The following ZFHX3 variants were observed in gnomAD, a reference collection of about 807,000 sequenced individuals.
ZFHX3 encodes zinc finger homeobox 3, also known as zinc finger homeobox protein 3.
In ZFHX3, 42 loss-of-function variants were observed where a neutral mutation model predicts 279.1. The observed-to-expected ratio is 0.15, with a 90% confidence interval of 0.12 to 0.19. The LOEUF is 0.19. ZFHX3 is among the 10% of genes least tolerant of loss of function. ZFHX3 has a pLI of 1.00. For missense variants in ZFHX3, 4,981 were observed against 4,754.0 expected (o/e 1.05, Z -1.40); for synonymous variants, 2,293 against 1,957.8 (o/e 1.17, Z -4.52).
rs533951100 is a variant in ZFHX3 at position 73,104,750 on chromosome 16, C to T, written c.-896-11152G>A. On this transcript the variant is annotated intron_variant, in intron 7 of 17. Transcript: ENST00000641206. ...TAGGCCTGATCCTGTATCCTCTTCA[C>T]CTGGCTAACTTTTAACATGTGGCTG... is the stretch of plus-strand genomic sequence containing the variant. Among the ~76,000 whole-genome samples, 6 of 152,302 alleles carry T rather than the reference C, an allele frequency of 3.9e-5. No individual in the cohort carries two copies. The East Asian group carries it at 1.2e-3, about 29-fold the overall frequency.
Position 72,794,725 on chromosome 16 carries a change from G to C in ZFHX3, c.7957C>G (p.Leu2653Val), listed in dbSNP as rs753299971. The C allele has an allele frequency of 1.9e-6, 3 of 1,614,236 alleles. No homozygotes were observed. The highest frequency in any genetic ancestry group is 2.2e-5 in the South Asian group (2 of 91,086). The change falls in exon 9 of 10, where the codon CTA (leucine) becomes GTA (valine). Residue 2653 changes from leucine to valine, a missense_variant. Transcript: ENST00000268489. This position sits in a 1 kb window ranked among gnomAD's most constrained non-coding sequence, Gnocchi z 4.2. ...RLRTTITPEQ[L>V]EILYQKYLLD... ...AGATACTTCTGGTAGAGAATTTCTA[G>C]TTGTTCCGGTGTGATGGTTGTTCTC...
At chr16:73,694,783 T>A (rs1328859530) in intron 1 of ZFHX3, among the ~76,000 whole-genome samples, 3 of 152,264 alleles carry the variant, frequency 2.0e-5, no homozygotes, top group Non-Finnish European at 2.9e-5. Context: ...ATGGGCCTGC[T>A]CTTCACCGCA....
intron 1 of ZFHX3, among the ~76,000 whole-genome samples, chr16:73,029,925 T>C (rs916933795): frequency 6.6e-6 from 1 of 152,216 alleles, no homozygotes; most frequent in South Asian, 2.1e-4. Context: ...AAAAGCAGCA[T>C]GCACATAAAC....
chr16:73,787,855 AAGAG>A (rs148741157), intron 1 of ZFHX3, among the ~76,000 whole-genome samples: 2,596 of 110,680 alleles, frequency 0.023, 38 homozygotes, highest in Middle Eastern at 0.05. Flanking sequence ...GTGTGTGTGA[AAGAG>A]AGAGAGAGAG....
intron 7 of ZFHX3, among the ~76,000 whole-genome samples, chr16:72,811,321 A>G (rs2036438024): frequency 6.6e-6 from 1 of 152,196 alleles, no homozygotes; most frequent in Non-Finnish European, 1.5e-5. Context: ...ATGGTTAGCT[A>G]ATCCATGCCT....
chr16:73,599,490 G>C (rs1257794679), intron 2 of ZFHX3, among the ~76,000 whole-genome samples: 1 of 152,188 alleles, frequency 6.6e-6, no homozygotes, highest in Non-Finnish European at 1.5e-5. Context: ...GGCCCTTCTG[G>C]GCACAGGGCT....
At chr16:73,056,627 CGGAGGGCAGGGCAGTAAATTCT>C (rs1965562615) in intron 1 of ZFHX3, among the ~76,000 whole-genome samples, 1 of 152,164 alleles carries the variant, frequency 6.6e-6, no homozygotes, top group Non-Finnish European at 1.5e-5. Context: ...TATATTGTTC[CGGAGGGCAGGGCAGTAAATTCT>C]GGTTGTTCTC....
chr16:73,383,694 C>T (rs571458492), intron 3 of ZFHX3, among the ~76,000 whole-genome samples: 24 of 131,360 alleles, frequency 1.8e-4, no homozygotes, highest in African/African-American at 6.9e-4. Context: ...GGGGGGTGGG[C>T]AGTGTTAGCT....
intron 2 of ZFHX3, among the ~76,000 whole-genome samples, chr16:73,660,032 A>G (rs1308850941): frequency 6.6e-6 from 1 of 152,224 alleles, no homozygotes; most frequent in Non-Finnish European, 1.5e-5. Flanking sequence ...TTAGGTGACA[A>G]TGATTTGATT....
At chr16:73,307,891 A>G (rs188299111) in intron 4 of ZFHX3, among the ~76,000 whole-genome samples, 3 of 152,254 alleles carry the variant, frequency 2.0e-5, no homozygotes, top group South Asian at 2.1e-4. Flanking sequence ...AGGTACCTTG[A>G]AGATGAGCAA....
chr16:73,600,917 T>G (rs377669986), intron 2 of ZFHX3, among the ~76,000 whole-genome samples: 51 of 152,180 alleles, frequency 3.4e-4, no homozygotes, highest in African/African-American at 1.1e-3. Context: ...CCACAAGCTA[T>G]TCTTTACACC....
intron 2 of ZFHX3, among the ~76,000 whole-genome samples, chr16:73,585,222 C>T (rs1299261086): frequency 5.3e-5 from 8 of 152,176 alleles, no homozygotes; most frequent in Admixed American, 4.6e-4. Flanking sequence ...TCGAGACTAT[C>T]CTGGCCAACA....
chr16:72,865,617 A>G (rs2037999238), intron 4 of ZFHX3, among the ~76,000 whole-genome samples: 2 of 134,066 alleles, frequency 1.5e-5, no homozygotes, highest in South Asian at 5.4e-4. Flanking sequence ...AGAGAAGGCG[A>G]GTTTTTGCTA....
intron 1 of ZFHX3, among the ~76,000 whole-genome samples, chr16:73,834,299 G>C (rs1374679100): frequency 7.2e-5 from 11 of 152,198 alleles, no homozygotes; most frequent in Non-Finnish European, 1.5e-4. Flanking sequence ...GAAGTGGTAA[G>C]AGCAACAGAT....
intron 1 of ZFHX3, among the ~76,000 whole-genome samples, chr16:73,721,637 G>C (rs567070408): frequency 6.6e-6 from 1 of 152,324 alleles, no homozygotes; most frequent in Admixed American, 6.5e-5. Flanking sequence ...CAAAGATGCA[G>C]GCAAGGAAGC....
Position 72,811,787 on chromosome 16 carries a change from A to G in ZFHX3, c.3664-10T>C, listed in dbSNP as rs757004426. 2.5e-6 allele frequency: 4 copies of G among 1,611,078 alleles called. No individual in the cohort carries two copies. The African/African-American group carries it at 4.0e-5, about 16-fold the overall frequency. On this transcript the variant is annotated splice_polypyrimidine_tract_variant and intron_variant, in intron 6 of 9. Coordinates refer to ENST00000268489, the MANE Select transcript of ZFHX3 (RefSeq NM_006885.4). ...AGGGACACTGGTACATCTGTGGGGA[A>G]CACACCCACTGCTTTGAGCAACTGT...
intron 4 of ZFHX3, among the ~76,000 whole-genome samples, chr16:73,261,271 G>T (rs1172577658): frequency 6.6e-6 from 1 of 152,080 alleles, no homozygotes; most frequent in Admixed American, 6.6e-5. Context: ...GTTACCATTT[G>T]TGCACTACTA....
At chr16:73,741,117 T>G (rs892759576) in intron 1 of ZFHX3, among the ~76,000 whole-genome samples, 17 of 148,354 alleles carry the variant, frequency 1.1e-4, no homozygotes, top group East Asian at 2.1e-4. Context: ...CTGCAACCTC[T>G]GCCTCCCAGG....
intron 1 of ZFHX3, among the ~76,000 whole-genome samples, chr16:72,971,406 G>A (rs1037220548): frequency 6.6e-6 from 1 of 152,158 alleles, no homozygotes; most frequent in Admixed American, 6.5e-5. Context: ...TTCTGAACAT[G>A]TTGTTTTGTT....
Sources: allele counts gnomAD v4.1 joint callset (sites outside exome capture counted in the v4.1 genomes callset), GRCh38; gene constraint gnomAD v4.1.1; non-coding constraint Gnocchi (gnomAD v3.1); transcripts MANE v1.5; gene names NCBI Gene and HGNC (gene_info 2026-07-23, HGNC 2026-07-21).